Variants in SDR42E2 observed in about 807,000 individuals in gnomAD.
SDR42E2 encodes putative short-chain dehydrogenase/reductase family 42E member 2.
Under a neutral mutation model 10.5 loss-of-function variants are expected in SDR42E2, and 20 were observed. The ratio of observed to expected loss-of-function variants is 1.90; its 90% CI spans 1.34 to 2.77. SDR42E2 has a LOEUF of 2.77. Ranked by LOEUF, SDR42E2 falls within the 30% of genes most tolerant of loss-of-function variation. SDR42E2 has a pLI of 0.00. For synonymous variants in SDR42E2, 72 were observed against 39.2 expected (o/e 1.84, Z -3.12); for missense variants, 162 against 104.2 (o/e 1.55, Z -2.42).
intron 12 of SDR42E2, among the ~76,000 whole-genome samples, chr16:22,187,345 G>C (rs2046743182): frequency 6.6e-6 from 1 of 152,102 alleles, no homozygotes; most frequent in South Asian, 2.1e-4. Context: ...GGCCAGGTGT[G>C]GTGGCTCGCA....
chr16:22,187,511 G>T lies in SDR42E2; in HGVS notation c.1014+717G>T, dbSNP rs558929924. Reference sequence around the variant, plus strand: ...GCATGCCTTTAGTCCCAGCTCAGGTGGGGGATTACTTGAGCCCAGGAGTTC... The same window carrying T: ...GCATGCCTTTAGTCCCAGCTCAGGTTGGGGATTACTTGAGCCCAGGAGTTC... On this transcript the variant is annotated intron_variant, in intron 12 of 12. Transcript: ENST00000602312. 1.8e-4 allele frequency among the ~76,000 whole-genome samples: 27 copies of T among 151,850 alleles called. No homozygotes were observed. In the South Asian group the frequency reaches 2.3e-3, roughly 13 times the overall value.
At chr16:22,169,742 C>T (rs768739297) in intron 5 of SDR42E2, among the ~76,000 whole-genome samples, 2 of 152,066 alleles carry the variant, frequency 1.3e-5, no homozygotes, top group Non-Finnish European at 1.5e-5. Flanking sequence ...GAAAAGTTGC[C>T]GAAGCTGGCT....
intron 3 of SDR42E2, 124 bp from the exon 4 acceptor site, chr16:22,166,780 T>C (rs1260121182): frequency 2.2e-6 from 1 of 450,704 alleles, no homozygotes; most frequent in African/African-American, 2.0e-5. Context: ...CCTTTCCTGA[T>C]GCTACAGAGG....
intron 7 of SDR42E2, among the ~76,000 whole-genome samples, chr16:22,175,843 A>C (rs997277639): frequency 6.6e-6 from 1 of 151,882 alleles, no homozygotes; most frequent in Non-Finnish European, 1.5e-5. Context: ...AAATACAAAA[A>C]TTAGTGGGGC....
At chr16:22,177,619 T>C (rs2046655389) in intron 7 of SDR42E2, among the ~76,000 whole-genome samples, 1 of 151,188 alleles carries the variant, frequency 6.6e-6, no homozygotes, top group African/African-American at 2.4e-5. Flanking sequence ...CAGAGCAAGA[T>C]TCCATCTCAA....
At chr16:22,174,159 C>T (rs1017132566) in intron 7 of SDR42E2, among the ~76,000 whole-genome samples, 1 of 151,482 alleles carries the variant, frequency 6.6e-6, no homozygotes, top group Non-Finnish European at 1.5e-5. Context: ...GGTGAAACCC[C>T]GTCTCTACTA....
rs117761376 is a variant in SDR42E2, at chr16:22,186,047, A to G, written c.941-674A>G. ...TGAGCCACCACACCTGGTTCTCACA[A>G]GTATTATTTTTAAATTGGTCCCACA... On this transcript the variant is annotated intron_variant, in intron 11 of 12. Coordinates refer to ENST00000602312, the MANE Select transcript of SDR42E2 (RefSeq NM_001394319.2). Among the ~76,000 whole-genome samples the G allele has an allele frequency of 1.1e-3, 165 of 151,220 alleles. 2 individuals are homozygous for G. The East Asian group carries it at 0.028, about 26-fold the overall frequency.
At position 22,190,120 on chromosome 16, in the gene SDR42E2, G is replaced by A. The variant is rs961779699; in HGVS notation, c.1015-19G>A. 2 of 401,132 alleles carry A rather than the reference G, an allele frequency of 5.0e-6. No individual in the cohort carries two copies. Among genetic ancestry groups the A allele is most frequent in the Middle Eastern group, 3.1e-4 (1 of 3,222 alleles). 24.8% of individuals were successfully genotyped at this position (401,132 alleles called of 1,614,324 possible). A position where few individuals can be genotyped will look rare whatever the true frequency, so the allele number is the denominator to read the frequency against. On this transcript the variant is annotated intron_variant, in intron 12 of 12. Transcript: ENST00000602312. Reference sequence around the variant, plus strand: ...CCTCCCACGAGGCCCGCCCTCGGATGCCCCGCCTGTCCCCGCAGGTGCGCA... The same window carrying A: ...CCTCCCACGAGGCCCGCCCTCGGATACCCCGCCTGTCCCCGCAGGTGCGCA...
At chr16:22,167,963 C>A (rs1170508175) in intron 4 of SDR42E2, among the ~76,000 whole-genome samples, 2 of 152,146 alleles carry the variant, frequency 1.3e-5, no homozygotes, top group Admixed American at 1.3e-4. Context: ...TTAACAGTGG[C>A]TGCCTCTGGG....
chr16:22,183,143 G>A (rs532408924), intron 10 of SDR42E2, among the ~76,000 whole-genome samples: 1 of 151,808 alleles, frequency 6.6e-6, no homozygotes, highest in Non-Finnish European at 1.5e-5. Flanking sequence ...TCATTTTTTT[G>A]AGACAGTCTC....
intron 12 of SDR42E2, among the ~76,000 whole-genome samples, chr16:22,189,273 C>T (rs754891459): frequency 2.0e-4 from 30 of 152,058 alleles, no homozygotes; most frequent in Non-Finnish European, 2.9e-4. Flanking sequence ...CCCCAGGGTC[C>T]GGCTGAGGAA....
intron 7 of SDR42E2, among the ~76,000 whole-genome samples, chr16:22,176,411 G>A (rs1213255741): frequency 6.6e-6 from 1 of 152,120 alleles, no homozygotes; most frequent in Non-Finnish European, 1.5e-5. Flanking sequence ...ATTACACACT[G>A]TATGCATGTA....
chr16:22,190,620 G>C lies in SDR42E2; in HGVS notation c.*227G>C, dbSNP rs1431550273. On this transcript the variant is annotated 3_prime_UTR_variant, in exon 13 of 13. Coordinates refer to ENST00000602312, the MANE Select transcript of SDR42E2 (RefSeq NM_001394319.2). The stretch of plus-strand genomic sequence containing the variant: ...CCAGACCTTGCCTTGCGCCCTTCCT[G>C]TGTTTTGGCCCCGCCCCTGTCCTGT... 2 of 390,378 alleles carry C rather than the reference G, an allele frequency of 5.1e-6. No individual in the cohort carries two copies. Among genetic ancestry groups the C allele is most frequent in the Non-Finnish European group, 9.0e-6 (2 of 221,096 alleles). 24.2% of individuals were successfully genotyped at this position (390,378 alleles called of 1,614,324 possible).
chr16:22,185,450 C>T (rs1476108485), intron 11 of SDR42E2, among the ~76,000 whole-genome samples: 7 of 152,146 alleles, frequency 4.6e-5, no homozygotes, highest in South Asian at 4.1e-4. Context: ...ATTGTAAAGG[C>T]GTTCCCAGTT....
intron 7 of SDR42E2, among the ~76,000 whole-genome samples, chr16:22,173,909 A>ATATATATATATATATATC (rs2046622142): frequency 1.4e-5 from 2 of 144,588 alleles, no homozygotes; most frequent in African/African-American, 5.1e-5. Context: ...GTGTGTGTAT[A>ATATATATATATATATATC]TATATATATA....
intron 5 of SDR42E2, among the ~76,000 whole-genome samples, chr16:22,169,893 G>A (rs1169240467): frequency 3.3e-5 from 5 of 151,986 alleles, no homozygotes; most frequent in East Asian, 1.9e-4. Context: ...TTAGCCAGGC[G>A]TGGTGGCGGG....
intron 12 of SDR42E2, among the ~76,000 whole-genome samples, chr16:22,188,339 T>C (rs1321662012): frequency 1.3e-5 from 2 of 152,178 alleles, no homozygotes; most frequent in Non-Finnish European, 2.9e-5. Context: ...AGTAGTCACC[T>C]ATGGCTTCTC....
intron 7 of SDR42E2, among the ~76,000 whole-genome samples, chr16:22,172,665 G>A (rs889523480): frequency 6.6e-6 from 1 of 152,196 alleles, no homozygotes; most frequent in South Asian, 2.1e-4. Flanking sequence ...TTAGACAAAA[G>A]AGTACCAAAT....
intron 4 of SDR42E2, among the ~76,000 whole-genome samples, 168 bp downstream of exon 4, chr16:22,167,167 T>TTTTGTG: frequency 2.7e-5 from 1 of 37,110 alleles, no homozygotes; most frequent in Non-Finnish European, 5.1e-5. Flanking sequence ...GTTCTGCCAT[T>TTTTGTG]TTTTTTTTTT....
Sources: allele counts gnomAD v4.1 joint callset (sites outside exome capture counted in the v4.1 genomes callset), GRCh38; gene constraint gnomAD v4.1.1; transcripts MANE v1.5; gene names NCBI Gene and HGNC (gene_info 2026-07-23, HGNC 2026-07-21).